ADARB2: variants seen among roughly 807,000 people sequenced by gnomAD.
ADARB2 encodes the protein inactive double-stranded RNA-specific editase B2.
In ADARB2, 25 loss-of-function variants were observed where a neutral mutation model predicts 62.2. That is an observed-to-expected ratio of 0.40 (90% confidence interval 0.29 to 0.56). The LOEUF (loss-of-function observed/expected upper bound fraction) is 0.56. Among genes scored for constraint, ADARB2 ranks in the 20% least tolerant of loss-of-function variants. ADARB2 has a pLI of 0.43. For missense variants in ADARB2, 1,071 were observed against 1,077.4 expected, an observed-to-expected ratio of 0.99 and a Z score of 0.08; for synonymous variants, 572 against 500.8, an observed-to-expected ratio of 1.14 and a Z score of -1.90.
chr10:1,563,758 C>T (rs1832820231), intron 1 of ADARB2, among the ~76,000 whole-genome samples: 1 of 145,868 alleles, frequency 6.9e-6, no homozygotes, highest in Non-Finnish European at 1.5e-5. Context: ...TTAGGTATAT[C>T]TCCCAGTGCT....
intron 1 of ADARB2, among the ~76,000 whole-genome samples, chr10:1,439,062 C>T (rs1260668408): frequency 8.9e-5 from 9 of 101,084 alleles, no homozygotes; most frequent in Admixed American, 2.1e-4. Flanking sequence ...GGAGGCAGGC[C>T]CTTCATGATG....
rs1730314344 is a variant in ADARB2, at chr10:1,643,513, C to T, written c.100+93538G>A. ...GGCTAGGGTTACTTCATGATTTCAT[C>T]CCCCAAAAAACAAAAGCAACAGTGA... On this transcript the variant is annotated intron_variant, in intron 1 of 9. Coordinates refer to ENST00000381312, the MANE Select transcript of ADARB2 (RefSeq NM_018702.4). Among the ~76,000 whole-genome samples, 8 of 152,244 alleles carry T rather than the reference C, an allele frequency of 5.3e-5. No individual in the cohort carries two copies. The South Asian group carries it at 1.7e-3, about 32-fold the overall frequency.
intron 1 of ADARB2, chr10:1,676,178 T>TGGGAAATTATTAGAGAGGCTCAAAGTCCC (rs1193063815): frequency 8.2e-5 from 30 of 365,356 alleles, no homozygotes; most frequent in Admixed American, 1.3e-4. Flanking sequence ...AATCGGTAGT[T>TGGGAAATTATTAGAGAGGCTCAAAGTCCC]GGGAAATTAT....
Position 1,623,231 on chromosome 10 carries a change from A to C in ADARB2, c.100+113820T>G, listed in dbSNP as rs555391797. ...TGAAAAAATAAGCTTCCTTCTGCAC[A>C]CACATCCATGAAGCCCACATTCTCA... is the stretch of plus-strand genomic sequence containing the variant. On this transcript the variant is annotated intron_variant, in intron 1 of 9. Transcript: ENST00000381312. Among the ~76,000 whole-genome samples the C allele has an allele frequency of 1.1e-4, 17 of 152,342 alleles. No individual in the cohort carries two copies. The South Asian group carries it at 3.3e-3, about 30-fold the overall frequency.
chr10:1,555,064 T>G (rs1374791223), intron 1 of ADARB2, among the ~76,000 whole-genome samples: 1 of 152,212 alleles, frequency 6.6e-6, no homozygotes, highest in Non-Finnish European at 1.5e-5. Context: ...TTTCATTCTT[T>G]TTGTATGGCT....
chr10:1,368,466 T>A (rs1832332586), intron 2 of ADARB2, among the ~76,000 whole-genome samples: 1 of 152,134 alleles, frequency 6.6e-6, no homozygotes, highest in African/African-American at 2.4e-5. Flanking sequence ...TCTTTTTCCC[T>A]GAGCTTCTCC....
chr10:1,671,120 G>A (rs1834378444), intron 1 of ADARB2, among the ~76,000 whole-genome samples: 1 of 152,154 alleles, frequency 6.6e-6, no homozygotes, highest in African/African-American at 2.4e-5. Context: ...CTTCCAGCTT[G>A]CTGCCTGTTC....
At chr10:1,330,776 G>A (rs942846266) in intron 3 of ADARB2, among the ~76,000 whole-genome samples, 2 of 152,112 alleles carry the variant, frequency 1.3e-5, no homozygotes, top group Non-Finnish European at 2.9e-5. Flanking sequence ...AAAAAGTTTG[G>A]TACTTTAAAG....
chr10:1,517,945 G>A (rs34573070), intron 1 of ADARB2, among the ~76,000 whole-genome samples: 1 of 152,070 alleles, frequency 6.6e-6, no homozygotes, highest in African/African-American at 2.4e-5. Flanking sequence ...CATGGCAGGC[G>A]CTCACTAAAG....
chr10:1,624,697 T>C (rs145989666), intron 1 of ADARB2, among the ~76,000 whole-genome samples: 1 of 152,338 alleles, frequency 6.6e-6, no homozygotes, highest in East Asian at 1.9e-4. Flanking sequence ...AAAAAGGCAG[T>C]CATGTAATTA....
intron 3 of ADARB2, among the ~76,000 whole-genome samples, chr10:1,277,804 A>C (rs897696715): frequency 6.6e-6 from 1 of 152,204 alleles, no homozygotes; most frequent in African/African-American, 2.4e-5. Flanking sequence ...ACAACAAAAA[A>C]AGAGAATTTT....
chr10:1,244,186 G>T (rs1463222885), intron 4 of ADARB2, among the ~76,000 whole-genome samples: 2 of 152,254 alleles, frequency 1.3e-5, no homozygotes, highest in African/African-American at 4.8e-5. Context: ...AGGGGTGGGA[G>T]CCACCATCTC....
At chr10:1,521,674 A>G (rs1023484989) in intron 1 of ADARB2, among the ~76,000 whole-genome samples, 2 of 152,332 alleles carry the variant, frequency 1.3e-5, no homozygotes, top group Non-Finnish European at 2.9e-5. Context: ...ATTGCAACCC[A>G]GATGTTTCTT....
At chr10:1,207,879 C>G (rs1253260876) in intron 7 of ADARB2, among the ~76,000 whole-genome samples, 2 of 152,202 alleles carry the variant, frequency 1.3e-5, no homozygotes, top group African/African-American at 2.4e-5. Context: ...AAAAGCACCT[C>G]TGCAGTTTTC....
In ADARB2 at chr10:1,665,912, C is replaced by T. The variant is rs117915320; in HGVS notation, c.100+71139G>A. On this transcript the variant is annotated intron_variant, in intron 1 of 9. Coordinates refer to ENST00000381312, the MANE Select transcript of ADARB2 (RefSeq NM_018702.4). ...AGTAAATGAGGGTGCGGCACGGGGG[C>T]GTCAGAGGACGGACAAGGATAGCAC... Among the ~76,000 whole-genome samples the T allele has an allele frequency of 5.9e-5, 9 of 152,214 alleles. No homozygotes were observed. In the East Asian group the frequency reaches 1.2e-3, roughly 20 times the overall value.
chr10:1,642,406 A>G (rs1385361025), intron 1 of ADARB2, among the ~76,000 whole-genome samples: 7 of 152,228 alleles, frequency 4.6e-5, no homozygotes, highest in Non-Finnish European at 8.8e-5. Context: ...GGGATGAGTT[A>G]AGTATTAGTA....
intron 3 of ADARB2, among the ~76,000 whole-genome samples, chr10:1,344,017 C>A (rs759786256): frequency 6.6e-6 from 1 of 152,062 alleles, no homozygotes; most frequent in African/African-American, 2.4e-5. Context: ...TACCCTTGAA[C>A]CTAAAATAAG....
intron 1 of ADARB2, among the ~76,000 whole-genome samples, chr10:1,553,923 C>A (rs912354549): frequency 3.9e-5 from 6 of 152,196 alleles, no homozygotes; most frequent in Non-Finnish European, 8.8e-5. Context: ...CGGTAGAATT[C>A]TAAAATTACA....
At chr10:1,510,017 TTTC>T in intron 1 of ADARB2, among the ~76,000 whole-genome samples, 1 of 149,358 alleles carries the variant, frequency 6.7e-6, no homozygotes, top group Non-Finnish European at 1.5e-5. Flanking sequence ...TTCTTTCTTC[TTTC>T]TTTTTTCTCT....
Sources: allele counts gnomAD v4.1 joint callset (sites outside exome capture counted in the v4.1 genomes callset), GRCh38; gene constraint gnomAD v4.1.1; transcripts MANE v1.5; gene names NCBI Gene and HGNC (gene_info 2026-07-23, HGNC 2026-07-21).